Variants in TRPC5 observed in about 807,000 individuals in gnomAD.
The protein encoded by TRPC5 is short transient receptor potential channel 5.
TRPC5 carries 9 observed loss-of-function variants against 56.5 expected under a neutral mutation model. The ratio of observed to expected loss-of-function variants is 0.16; its 90% CI spans 0.10 to 0.28. The LOEUF is 0.28. TRPC5 is among the 10% of genes least tolerant of loss of function. The pLI is 1.00. For missense variants in TRPC5, 469 were observed against 748.9 expected, an observed-to-expected ratio of 0.63 and a Z score of 4.36; for synonymous variants, 282 against 278.5, an observed-to-expected ratio of 1.01 and a Z score of -0.13.
chrX:111,816,802 G>A (rs1434537309), intron 7 of TRPC5, among the ~76,000 whole-genome samples: 1 of 111,754 alleles, frequency 8.9e-6, no homozygotes, highest in East Asian at 2.8e-4. Context: ...CATTGTTATG[G>A]AAGGAAGGTG....
chrX:112,081,242 G>C (rs1482186373), intron 1 of TRPC5, among the ~76,000 whole-genome samples: 1 of 112,028 alleles, frequency 8.9e-6, no homozygotes, highest in Non-Finnish European at 1.9e-5. Context: ...CCATTTGTCC[G>C]AGTCGATGTG....
intron 4 of TRPC5, among the ~76,000 whole-genome samples, chrX:111,853,528 C>T (rs746903232): frequency 2.7e-5 from 3 of 112,023 alleles, no homozygotes; most frequent in Non-Finnish European, 5.6e-5. Flanking sequence ...GACAGCTTCT[C>T]TGTCCTTGAA....
chrX:111,902,705 G>T (rs1925410126), intron 3 of TRPC5: 1 of 112,284 alleles, frequency 8.9e-6, no homozygotes, highest in Non-Finnish European at 1.9e-5. Context: ...GACAAAAAAT[G>T]CTATAGCAGA....
intron 1 of TRPC5, among the ~76,000 whole-genome samples, chrX:111,996,546 C>T (rs1399692991): frequency 9.0e-6 from 1 of 111,038 alleles, no homozygotes; most frequent in East Asian, 2.8e-4. Flanking sequence ...CCTTGTTAAC[C>T]TTCCGTCTCT....
At chrX:111,820,226 A>G (rs762288392) in intron 7 of TRPC5, among the ~76,000 whole-genome samples, 5 of 111,982 alleles carry the variant, frequency 4.5e-5, no homozygotes, top group South Asian at 7.6e-4. Flanking sequence ...TTCCCTATCA[A>G]TCAGTGAAAA....
chrX:111,882,356 G>T (rs1366906510), intron 3 of TRPC5, among the ~76,000 whole-genome samples: 1 of 112,264 alleles, frequency 8.9e-6, no homozygotes, highest in Non-Finnish European at 1.9e-5. Flanking sequence ...TAAGGTAGGG[G>T]TCTTGTCTCT....
intron 7 of TRPC5, among the ~76,000 whole-genome samples, chrX:111,807,888 TA>T (rs1168413222): frequency 9.0e-6 from 1 of 111,602 alleles, no homozygotes; most frequent in East Asian, 2.8e-4. Context: ...CTCTGGATTA[TA>T]AGACAGAGGC....
At position 111,852,448 on chromosome X, in the gene TRPC5, G is replaced by A; in HGVS notation, c.1238-11C>T. Reference sequence around the variant, plus strand: ...CACCCCAAATGAAACCTGAAGAATGGAGGAAAACAGTTTATTTCTACATAG... The same window carrying A: ...CACCCCAAATGAAACCTGAAGAATGAAGGAAAACAGTTTATTTCTACATAG... On this transcript the variant is annotated splice_polypyrimidine_tract_variant and intron_variant, in intron 4 of 10. Transcript: ENST00000262839. 1.7e-6 allele frequency: 2 copies of A among 1,201,318 alleles called. No homozygotes were observed. Among genetic ancestry groups the A allele is most frequent in the Non-Finnish European group, 2.2e-6 (2 of 890,769 alleles).
intron 6 of TRPC5, among the ~76,000 whole-genome samples, chrX:111,845,944 C>T (rs1427101674): frequency 1.8e-5 from 2 of 112,209 alleles, no homozygotes; most frequent in African/African-American, 6.5e-5. Flanking sequence ...GAGGTTTAAT[C>T]ATAGATTCCA....
intron 7 of TRPC5, among the ~76,000 whole-genome samples, chrX:111,810,798 A>G (rs1921680742): frequency 9.0e-6 from 1 of 111,617 alleles, no homozygotes; most frequent in African/African-American, 3.2e-5. Flanking sequence ...GTTTATCAAA[A>G]TTTATATTTA....
chrX:111,926,893 G>A (rs1422447224), intron 2 of TRPC5, among the ~76,000 whole-genome samples: 2 of 112,213 alleles, frequency 1.8e-5, no homozygotes, highest in African/African-American at 6.5e-5. Context: ...GGCATCAGAA[G>A]CAGCCCAGTT....
At chrX:111,923,692 C>G (rs1404437079) in intron 2 of TRPC5, among the ~76,000 whole-genome samples, 4 of 111,705 alleles carry the variant, frequency 3.6e-5, no homozygotes, top group African/African-American at 1.3e-4. Context: ...GAGAGACAGC[C>G]CTCCCTGAAG....
chrX:111,970,830 C>T (rs377244482), intron 1 of TRPC5, among the ~76,000 whole-genome samples: 154 of 101,443 alleles, frequency 1.5e-3, no homozygotes, highest in African/African-American at 5.6e-3. Flanking sequence ...AGTGCAGTGG[C>T]GCGATCTCGG....
intron 1 of TRPC5, among the ~76,000 whole-genome samples, chrX:111,997,785 A>C (rs760929237): frequency 1.6e-3 from 179 of 109,869 alleles, no homozygotes; most frequent in African/African-American, 5.3e-3. Context: ...ATCGAATCGG[A>C]TATTGAAGCT....
At chrX:112,028,314 T>C (rs1363956001) in intron 1 of TRPC5, among the ~76,000 whole-genome samples, 2 of 111,490 alleles carry the variant, frequency 1.8e-5, no homozygotes, top group Non-Finnish European at 3.8e-5. Context: ...CTAGGGTGCA[T>C]GTGCATAACG....
chrX:111,988,388 C>A lies in TRPC5; in HGVS notation c.-21-35947G>T, dbSNP rs190923214. Reference sequence around the variant, plus strand: ...ATTGATTGCAATCTTTTATAGAGCACTCCAGTTTAATGGAGATGGTAGCTG... The same window carrying A: ...ATTGATTGCAATCTTTTATAGAGCAATCCAGTTTAATGGAGATGGTAGCTG... On this transcript the variant is annotated intron_variant, in intron 1 of 10. Coordinates refer to ENST00000262839, the MANE Select transcript of TRPC5 (RefSeq NM_012471.3). 3.2e-4 allele frequency among the ~76,000 whole-genome samples: 36 copies of A among 111,101 alleles called. No homozygotes were observed. In the East Asian group the frequency reaches 7.5e-3, roughly 23 times the overall value.
chrX:111,794,411 G>A (rs34984575), intron 7 of TRPC5, among the ~76,000 whole-genome samples: 1,245 of 111,368 alleles, frequency 0.011, 8 homozygotes, highest in Non-Finnish European at 0.017. Context: ...TCTTTGTCAA[G>A]ATTGTTAATA....
chrX:111,940,834 C>T (rs1369416816), intron 2 of TRPC5, among the ~76,000 whole-genome samples: 1 of 111,710 alleles, frequency 9.0e-6, no homozygotes, highest in African/African-American at 3.3e-5. Flanking sequence ...GGCCCCCAGC[C>T]ACTCATCCTT....
chrX:111,773,216 G>A lies in TRPC5; in HGVS notation c.*3097C>T, dbSNP rs567186611. 1.3e-3 allele frequency among the ~76,000 whole-genome samples: 150 copies of A among 111,793 alleles called. No homozygotes were observed. Among genetic ancestry groups the A allele is most frequent in the Non-Finnish European group, 2.3e-3 (120 of 53,151 alleles). ...ATCTCTGTAAAGTTTGGCATTTTCC[G>A]AAAATGATTTTAAATTTAGTCTTTC... On this transcript the variant is annotated 3_prime_UTR_variant, in exon 11 of 11. Transcript: ENST00000262839.
Sources: allele counts gnomAD v4.1 joint callset (sites outside exome capture counted in the v4.1 genomes callset), GRCh38; gene constraint gnomAD v4.1.1; transcripts MANE v1.5; gene names NCBI Gene and HGNC (gene_info 2026-07-23, HGNC 2026-07-21).